AOAH: variants seen among roughly 807,000 people sequenced by gnomAD.
AOAH encodes the protein acyloxyacyl hydrolase (neutrophil).
In AOAH, 64 loss-of-function variants were observed where a neutral mutation model predicts 92.2. The observed-to-expected ratio is 0.69, with a 90% CI of 0.57 to 0.86. The LOEUF (loss-of-function observed/expected upper bound fraction) is 0.86, where lower values mean the gene tolerates loss of function less well. AOAH is among the 40% of genes least tolerant of loss of function. The pLI is 0.00. For missense variants in AOAH, 656 were observed against 694.6 expected (o/e 0.94, Z 0.62); for synonymous variants, 263 against 254.5 (o/e 1.03, Z -0.32).
At chr7:36,565,421 G>A (rs758277091) in intron 13 of AOAH, among the ~76,000 whole-genome samples, 38 of 152,044 alleles carry the variant, frequency 2.5e-4, no homozygotes, top group African/African-American at 8.7e-4. Flanking sequence ...TCTTTTCTGC[G>A]GCTTTTAAAA....
chr7:36,513,157 G>A lies in AOAH; in HGVS notation c.*95C>T, dbSNP rs1395599557. Reference sequence around the variant, plus strand: ...ATGCTGCTGAAGAAGAGTCCTTTGGGCCTGTGACGTGGCAGCCCCCATAGG... The same window carrying A: ...ATGCTGCTGAAGAAGAGTCCTTTGGACCTGTGACGTGGCAGCCCCCATAGG... On this transcript the variant is annotated 3_prime_UTR_variant, in exon 21 of 21. Coordinates refer to ENST00000617537, the MANE Select transcript of AOAH (RefSeq NM_001637.4). The A allele has an allele frequency of 1.2e-6, 2 of 1,613,124 alleles. No homozygotes were observed. Among genetic ancestry groups the A allele is most frequent in the Admixed American group, 1.7e-5 (1 of 60,018 alleles).
chr7:36,519,389 C>G (rs1279374605), intron 20 of AOAH, among the ~76,000 whole-genome samples: 2 of 152,250 alleles, frequency 1.3e-5, no homozygotes, highest in Non-Finnish European at 1.5e-5. Flanking sequence ...TCCCTTCACT[C>G]TACTAGCTCA....
chr7:36,688,506 C>T (rs1179626054), intron 1 of AOAH, among the ~76,000 whole-genome samples: 1 of 151,074 alleles, frequency 6.6e-6, no homozygotes, highest in Non-Finnish European at 1.5e-5. Flanking sequence ...ATAACTACAA[C>T]TAAAAAATAA....
chr7:36,712,982 T>C (rs1369310547), intron 1 of AOAH, among the ~76,000 whole-genome samples: 1 of 152,006 alleles, frequency 6.6e-6, no homozygotes, highest in Non-Finnish European at 1.5e-5. Flanking sequence ...CACATAACAA[T>C]ATTAACCTTA....
chr7:36,586,954 T>C (rs1789375567), intron 12 of AOAH, among the ~76,000 whole-genome samples: 1 of 152,032 alleles, frequency 6.6e-6, no homozygotes, highest in African/African-American at 2.4e-5. Flanking sequence ...TCTGTTACGA[T>C]GTTTTGGTGA....
At chr7:36,547,070 C>T (rs528003472) in intron 15 of AOAH, among the ~76,000 whole-genome samples, 1 of 152,352 alleles carries the variant, frequency 6.6e-6, no homozygotes, top group East Asian at 1.9e-4. Flanking sequence ...CTTGCCAAAT[C>T]AGTTTTCCCA....
chr7:36,721,964 C>CTACT (rs1376266558), intron 1 of AOAH, among the ~76,000 whole-genome samples: 1 of 152,116 alleles, frequency 6.6e-6, no homozygotes, highest in Non-Finnish European at 1.5e-5. Context: ...GTAAGAAAGC[C>CTACT]TACTACCCAA....
Position 36,632,126 on chromosome 7 carries a change from CAAAA to C in AOAH, c.451-24_451-21del, listed in dbSNP as rs1793160012. 1.3e-6 allele frequency: 2 copies of C among 1,550,578 alleles called. No individual in the cohort carries two copies. The highest frequency in any genetic ancestry group is 1.2e-5 in the South Asian group (1 of 84,518). On this transcript the variant is annotated intron_variant, in intron 5 of 20. Transcript: ENST00000617537. ...ATATTTCTGGGGAGAAAAAAAAAAA[CAAAA>C]AGAGAGTTGTTTAGTTTAAGGAGTG...
intron 20 of AOAH, among the ~76,000 whole-genome samples, chr7:36,515,288 C>CAA: frequency 7.8e-6 from 1 of 127,430 alleles, no homozygotes; most frequent in Non-Finnish European, 1.6e-5. Flanking sequence ...ACACTACACA[C>CAA]ACACCACACA....
intron 1 of AOAH, among the ~76,000 whole-genome samples, chr7:36,717,603 C>A (rs1799301542): frequency 6.6e-6 from 1 of 152,134 alleles, no homozygotes; most frequent in African/African-American, 2.4e-5. Context: ...AGAGAGAACT[C>A]TCTGGGTTCC....
chr7:36,601,400 C>T (rs527759340), intron 11 of AOAH, among the ~76,000 whole-genome samples: 1,605 of 151,788 alleles, frequency 0.011, 17 homozygotes, highest in African/African-American at 0.019. Context: ...GAGAGAGAAA[C>T]ATCAGGCACC....
chr7:36,569,471 ATCT>A (rs1172550225), intron 13 of AOAH, among the ~76,000 whole-genome samples: 1 of 8,830 alleles, frequency 1.1e-4, no homozygotes, highest in African/African-American at 4.4e-4. Flanking sequence ...ACTTAAAAAA[ATCT>A]ATCTATCTAT....
At chr7:36,635,570 G>A (rs533396653) in intron 5 of AOAH, among the ~76,000 whole-genome samples, 1 of 152,118 alleles carries the variant, frequency 6.6e-6, no homozygotes, top group South Asian at 2.1e-4. Flanking sequence ...TGATTCTATT[G>A]AGCGGGTGGG....
intron 13 of AOAH, among the ~76,000 whole-genome samples, chr7:36,555,579 C>T (rs1313036950): frequency 6.6e-6 from 1 of 151,990 alleles, no homozygotes; most frequent in Non-Finnish European, 1.5e-5. Context: ...CCTCCTTGTA[C>T]CTCTGGTAGA....
chr7:36,563,040 AG>A (rs1185236296), intron 13 of AOAH, among the ~76,000 whole-genome samples: 5 of 150,336 alleles, frequency 3.3e-5, no homozygotes, highest in Non-Finnish European at 7.4e-5. Context: ...CCAGCTACTC[AG>A]GAGGCTGAGG....
rs932785459 is a variant in AOAH at position 36,671,351 on chromosome 7, C to A, written c.290+2592G>T. Among the ~76,000 whole-genome samples, 9 of 152,192 alleles carry A rather than the reference C, an allele frequency of 5.9e-5. No individual in the cohort carries two copies. In the East Asian group the frequency reaches 1.2e-3, roughly 20 times the overall value. ...TCTTCCTACCTCTTTTTCTTACTTT[C>A]TTTTTTACTTTCATAAACATATAGT... is the stretch of plus-strand genomic sequence containing the variant. On this transcript the variant is annotated intron_variant, in intron 3 of 20. Coordinates refer to ENST00000617537, the MANE Select transcript of AOAH (RefSeq NM_001637.4).
intron 11 of AOAH, among the ~76,000 whole-genome samples, chr7:36,603,506 C>A (rs942754723): frequency 5.9e-5 from 9 of 152,196 alleles, no homozygotes; most frequent in Admixed American, 4.6e-4. Context: ...GCATGCCTAG[C>A]TGACTGCACC....
At chr7:36,546,609 G>T (rs1324474506) in intron 15 of AOAH, among the ~76,000 whole-genome samples, 1 of 152,228 alleles carries the variant, frequency 6.6e-6, no homozygotes, top group African/African-American at 2.4e-5. Context: ...GAGGGATCTG[G>T]GTAAGCAGGT....
chr7:36,678,376 GATATTCCAAA>G (rs1170335878), intron 2 of AOAH, among the ~76,000 whole-genome samples: 4 of 152,160 alleles, frequency 2.6e-5, no homozygotes, highest in Non-Finnish European at 5.9e-5. Flanking sequence ...TTTTGTAAGA[GATATTCCAAA>G]TTAAATGAAG....
Sources: allele counts gnomAD v4.1 joint callset (sites outside exome capture counted in the v4.1 genomes callset), GRCh38; gene constraint gnomAD v4.1.1; transcripts MANE v1.5; gene names NCBI Gene and HGNC (gene_info 2026-07-23, HGNC 2026-07-21).